ENTREP2: variants seen among roughly 807,000 people sequenced by gnomAD.
The protein encoded by ENTREP2 is protein ENTREP2.
the ENTREP2 span, among the ~76,000 whole-genome samples, chr15:29,419,063 T>C: frequency 6.6e-6 from 1 of 152,142 alleles, no homozygotes; most frequent in South Asian, 2.1e-4. Flanking sequence ...TTGAAAACCC[T>C]AAAAGGCAAG....
At chr15:29,162,709 C>G in the ENTREP2 span, among the ~76,000 whole-genome samples, 9 of 151,624 alleles carry the variant, frequency 5.9e-5, no homozygotes, top group East Asian at 1.6e-3. Flanking sequence ...CCCACCTGAT[C>G]GTCCTTCCCT....
chr15:29,626,624 A>T, the ENTREP2 span, among the ~76,000 whole-genome samples: 2 of 152,246 alleles, frequency 1.3e-5, no homozygotes, highest in African/African-American at 4.8e-5. Context: ...TCATCTGAAA[A>T]TATGGACAGT....
the ENTREP2 span, among the ~76,000 whole-genome samples, chr15:29,444,182 G>C: frequency 5.5e-3 from 192 of 34,980 alleles, 1 homozygote; most frequent in African/African-American, 0.017. Context: ...AAGAAAGAAA[G>C]AAAGAAAGAA....
the ENTREP2 span, among the ~76,000 whole-genome samples, chr15:29,257,416 G>A: frequency 6.6e-6 from 1 of 152,072 alleles, no homozygotes; most frequent in Non-Finnish European, 1.5e-5. Flanking sequence ...TGAACATTTG[G>A]GTTATTTTTA....
chr15:29,539,534 C>A, the ENTREP2 span, among the ~76,000 whole-genome samples: 1 of 152,096 alleles, frequency 6.6e-6, no homozygotes, highest in Non-Finnish European at 1.5e-5. Flanking sequence ...CCACTCAACC[C>A]TGGCTGTACT....
the ENTREP2 span, among the ~76,000 whole-genome samples, chr15:29,555,947 C>A: frequency 6.6e-6 from 1 of 152,220 alleles, no homozygotes; most frequent in Non-Finnish European, 1.5e-5. Flanking sequence ...GGTAGGACAG[C>A]TTCTTCCCGA....
the ENTREP2 span, among the ~76,000 whole-genome samples, chr15:29,513,411 G>C: frequency 6.6e-6 from 1 of 152,156 alleles, no homozygotes; most frequent in Non-Finnish European, 1.5e-5. Flanking sequence ...AGGTTCCACG[G>C]AACCTAGTTT....
chr15:29,652,413 T>C, the ENTREP2 span, among the ~76,000 whole-genome samples: 1 of 152,234 alleles, frequency 6.6e-6, no homozygotes, highest in Non-Finnish European at 1.5e-5. Context: ...TCAGTCTTCC[T>C]GGTTGCAGGG....
At chr15:29,674,707 G>C in the ENTREP2 span, among the ~76,000 whole-genome samples, 2 of 151,550 alleles carry the variant, frequency 1.3e-5, no homozygotes, top group East Asian at 2.0e-4. Flanking sequence ...GGCATGCCGG[G>C]GGGGCGGAGG....
the ENTREP2 span, chr15:29,126,218 A>G: frequency 2.2e-6 from 3 of 1,389,314 alleles, no homozygotes; most frequent in Admixed American, 5.8e-5. Context: ...GCAGCATCCA[A>G]GGAAAGCTGG....
the ENTREP2 span, among the ~76,000 whole-genome samples, chr15:29,581,813 T>G: frequency 1.3e-5 from 2 of 151,778 alleles, no homozygotes; most frequent in Non-Finnish European, 2.9e-5. Flanking sequence ...TAAGTGGGAG[T>G]AATTACTTGA....
the ENTREP2 span, among the ~76,000 whole-genome samples, chr15:29,316,625 A>C: frequency 6.6e-6 from 1 of 152,196 alleles, no homozygotes; most frequent in South Asian, 2.1e-4. Flanking sequence ...TGATGACGCA[A>C]GAATGTCCAG....
the ENTREP2 span, among the ~76,000 whole-genome samples, chr15:29,525,881 C>T: frequency 1.2e-4 from 18 of 152,138 alleles, no homozygotes; most frequent in Non-Finnish European, 2.4e-4. Context: ...AACCTAACCA[C>T]AAACAGAAAG....
At chr15:29,616,707 C>T in the ENTREP2 span, among the ~76,000 whole-genome samples, 4 of 152,130 alleles carry the variant, frequency 2.6e-5, no homozygotes, top group Non-Finnish European at 5.9e-5. Context: ...ATTTTGCTTC[C>T]TATGACTCAA....
chr15:29,512,192 C>G, the ENTREP2 span, among the ~76,000 whole-genome samples: 1 of 152,042 alleles, frequency 6.6e-6, no homozygotes, highest in Non-Finnish European at 1.5e-5. Flanking sequence ...GGAAGAAGCC[C>G]TAGTTTGTTT....
chr15:29,389,992 G>A, the ENTREP2 span, among the ~76,000 whole-genome samples: 2 of 152,160 alleles, frequency 1.3e-5, no homozygotes, highest in Admixed American at 6.5e-5. Flanking sequence ...ATTGCTCAGG[G>A]AGAGGAGGCT....
the ENTREP2 span, among the ~76,000 whole-genome samples, chr15:29,520,407 T>G: frequency 9.2e-5 from 14 of 152,300 alleles, no homozygotes; most frequent in East Asian, 2.7e-3. Context: ...AGAGACCCAT[T>G]CAACCTGTGA....
At chr15:29,507,722 C>T in the ENTREP2 span, among the ~76,000 whole-genome samples, 6 of 152,264 alleles carry the variant, frequency 3.9e-5, no homozygotes, top group Middle Eastern at 3.4e-3. Context: ...AAAGACACAA[C>T]GTACCAGAAT....
At chr15:29,123,808 C>T in the ENTREP2 span, among the ~76,000 whole-genome samples, 1 of 152,182 alleles carries the variant, frequency 6.6e-6, no homozygotes, top group Non-Finnish European at 1.5e-5. Context: ...CCCCATCCCT[C>T]CTCCCCTTCT....
Sources: gnomAD v4.1 joint callset for allele counts (sites outside exome capture counted in the v4.1 genomes callset) on GRCh38, gnomAD v4.1.1 for gene constraint, MANE v1.5 for transcripts, NCBI Gene and HGNC (gene_info 2026-07-23, HGNC 2026-07-21) for gene names.